The following PPP3CC variants were observed in gnomAD, a reference collection of about 807,000 sequenced individuals.
The protein encoded by PPP3CC is serine/threonine-protein phosphatase 2B catalytic subunit gamma isoform.
In PPP3CC, 35 loss-of-function variants were observed where a neutral mutation model predicts 60.3. That is an observed-to-expected ratio of 0.58 (90% confidence interval 0.44 to 0.77). The LOEUF is 0.77. PPP3CC is among the 30% of genes least tolerant of loss of function. The pLI, the probability that PPP3CC is intolerant of heterozygous loss-of-function variation, is 0.00. For synonymous variants in PPP3CC, 206 were observed against 224.3 expected (o/e 0.92, Z 0.73); for missense variants, 570 against 628.9 (o/e 0.91, Z 1.00).
intron 10 of PPP3CC, among the ~76,000 whole-genome samples, chr8:22,530,188 GA>G (rs1839667144): frequency 6.6e-6 from 1 of 152,204 alleles, no homozygotes; most frequent in Admixed American, 6.5e-5. Context: ...TATAGGAGAT[GA>G]CTACAAGGAA....
chr8:22,488,669 C>A (rs149782515), intron 3 of PPP3CC, among the ~76,000 whole-genome samples: 3 of 152,190 alleles, frequency 2.0e-5, no homozygotes, highest in Non-Finnish European at 4.4e-5. Flanking sequence ...TATTTGTTTA[C>A]CATCCATGAG....
At position 22,524,426 on chromosome 8, in the gene PPP3CC, T is replaced by TAAA. The variant is rs536482738; in HGVS notation, c.943+1677_943+1678insAAA. Reference sequence around the variant, plus strand: ...TAAAAAGCATGTCTTTAACTTAAGTTCTGTCCTAGTCTTATGTTTTCATTT... The same window carrying TAAA: ...TAAAAAGCATGTCTTTAACTTAAGTTAAACTGTCCTAGTCTTATGTTTTCATTT... On this transcript the variant is annotated intron_variant, in intron 8 of 13. Transcript: ENST00000240139. Among the ~76,000 whole-genome samples, 666 of 152,334 alleles carry TAAA rather than the reference T, an allele frequency of 4.4e-3. 6 individuals are homozygous for TAAA. Among genetic ancestry groups the TAAA allele is most frequent in the African/African-American group, 0.016 (645 of 41,582 alleles).
intron 1 of PPP3CC, among the ~76,000 whole-genome samples, chr8:22,467,687 A>G (rs1256701805): frequency 6.6e-6 from 1 of 152,132 alleles, no homozygotes; most frequent in East Asian, 1.9e-4. Context: ...TCCGCCTCCC[A>G]ATGTTCTGGG....
At position 22,539,525 on chromosome 8, in the gene PPP3CC, T is replaced by C. The variant is rs1349795364; in HGVS notation, c.1351+27T>C. On this transcript the variant is annotated intron_variant, in intron 13 of 13. Coordinates refer to ENST00000240139, the MANE Select transcript of PPP3CC (RefSeq NM_005605.5). ...TATGGCCATATTACTCTGATAGATGTGATCCATGTGTCTGTGTACTGGTTT... is the reference window on the plus strand; with the variant it reads ...TATGGCCATATTACTCTGATAGATGCGATCCATGTGTCTGTGTACTGGTTT... 3 of 1,608,504 alleles carry C rather than the reference T, an allele frequency of 1.9e-6. No individual in the cohort carries two copies. The East Asian group carries it at 6.7e-5, about 36-fold the overall frequency.
chr8:22,509,152 C>A (rs1361236628), intron 4 of PPP3CC, among the ~76,000 whole-genome samples: 4 of 152,308 alleles, frequency 2.6e-5, no homozygotes, highest in African/African-American at 9.6e-5. Flanking sequence ...TTTACACTTT[C>A]CTTAGGGATC....
chr8:22,524,234 A>G (rs1028383600), intron 8 of PPP3CC, among the ~76,000 whole-genome samples: 5 of 152,222 alleles, frequency 3.3e-5, no homozygotes, highest in Non-Finnish European at 7.3e-5. Context: ...AAGTCTCATT[A>G]CTTTATAGTT....
chr8:22,445,321 C>T (rs59896832), intron 1 of PPP3CC, among the ~76,000 whole-genome samples: 12 of 152,268 alleles, frequency 7.9e-5, no homozygotes, highest in East Asian at 7.7e-4. Flanking sequence ...TTCCACAACT[C>T]TCCCCCGACT....
chr8:22,489,966 C>T (rs993475266), intron 3 of PPP3CC, among the ~76,000 whole-genome samples: 1 of 151,068 alleles, frequency 6.6e-6, no homozygotes, highest in East Asian at 1.9e-4. Flanking sequence ...GGATTAGAGG[C>T]GCATGCTACC....
intron 11 of PPP3CC, 60 bp from the exon 12 acceptor site, chr8:22,532,861 T>C: frequency 8.4e-7 from 1 of 1,195,466 alleles, no homozygotes; most frequent in Non-Finnish European, 1.1e-6. Context: ...CTTCAATATC[T>C]TTAAGTTGCT....
At chr8:22,495,726 T>C (rs1485024580) in intron 3 of PPP3CC, among the ~76,000 whole-genome samples, 1 of 151,870 alleles carries the variant, frequency 6.6e-6, no homozygotes, top group Non-Finnish European at 1.5e-5. Flanking sequence ...GCCTAGCAAA[T>C]GTTTGTATTT....
At chr8:22,467,920 T>G (rs1465218062) in intron 1 of PPP3CC, among the ~76,000 whole-genome samples, 2 of 152,190 alleles carry the variant, frequency 1.3e-5, no homozygotes, top group African/African-American at 4.8e-5. Context: ...ACAAGCTCCT[T>G]TGGACCTCTT....
At chr8:22,457,453 C>T (rs1837237094) in intron 1 of PPP3CC, among the ~76,000 whole-genome samples, 1 of 151,966 alleles carries the variant, frequency 6.6e-6, no homozygotes, top group Non-Finnish European at 1.5e-5. Context: ...CAGGTGCACA[C>T]CACCATGCCC....
intron 1 of PPP3CC, among the ~76,000 whole-genome samples, chr8:22,449,447 CAAAAAAAAA>C (rs35113938): frequency 5.0e-5 from 3 of 59,670 alleles, no homozygotes; most frequent in African/African-American, 6.9e-5. Flanking sequence ...GACCCCATCT[CAAAAAAAAA>C]AAAAAAAAAA....
intron 4 of PPP3CC, among the ~76,000 whole-genome samples, chr8:22,500,681 G>A (rs1838735671): frequency 6.6e-6 from 1 of 152,106 alleles, no homozygotes; most frequent in African/African-American, 2.4e-5. Context: ...CAAAGAAAAG[G>A]TCTTTGTTAT....
chr8:22,443,061 T>A (rs1351498954), intron 1 of PPP3CC, among the ~76,000 whole-genome samples: 2 of 152,192 alleles, frequency 1.3e-5, no homozygotes, highest in Non-Finnish European at 2.9e-5. Flanking sequence ...AGGATCTTAG[T>A]GAAGCTTAGT....
intron 3 of PPP3CC, among the ~76,000 whole-genome samples, chr8:22,481,423 A>C (rs1838066422): frequency 6.6e-6 from 1 of 150,850 alleles, no homozygotes; most frequent in Admixed American, 6.6e-5. Context: ...TTCCAAAGTA[A>C]TACAGAAAGT....
At chr8:22,501,151 C>A (rs980699631) in intron 4 of PPP3CC, among the ~76,000 whole-genome samples, 1 of 152,018 alleles carries the variant, frequency 6.6e-6, no homozygotes, top group African/African-American at 2.4e-5. Flanking sequence ...CATAGTGAGA[C>A]CCTGTCTCAA....
chr8:22,519,921 G>T (rs1378289092), intron 6 of PPP3CC, among the ~76,000 whole-genome samples: 2 of 123,568 alleles, frequency 1.6e-5, no homozygotes, highest in Non-Finnish European at 3.6e-5. Flanking sequence ...TTCCCAGAGT[G>T]CTGGGATTAC....
intron 1 of PPP3CC, among the ~76,000 whole-genome samples, chr8:22,449,045 A>C (rs1029872601): frequency 6.6e-6 from 1 of 151,980 alleles, no homozygotes; most frequent in African/African-American, 2.4e-5. Context: ...AGGAGTTCCA[A>C]GGCTTCAGTG....
Sources: gnomAD v4.1 joint callset for allele counts (sites outside exome capture counted in the v4.1 genomes callset) on GRCh38, gnomAD v4.1.1 for gene constraint, MANE v1.5 for transcripts, NCBI Gene and HGNC (gene_info 2026-07-23, HGNC 2026-07-21) for gene names.